THSD7A: variants seen among roughly 807,000 people sequenced by gnomAD.
The protein encoded by THSD7A is thrombospondin type 1 domain containing 7A.
THSD7A carries 96 observed loss-of-function variants against 231.3 expected under a neutral mutation model. The ratio of observed to expected loss-of-function variants is 0.41; its 90% CI spans 0.35 to 0.49. THSD7A has a LOEUF of 0.49. THSD7A is among the 20% of genes least tolerant of loss of function. The pLI, the probability that THSD7A is intolerant of heterozygous loss-of-function variation, is 0.05. For synonymous variants in THSD7A, 940 were observed against 743.3 expected, an observed-to-expected ratio of 1.26 and a Z score of -4.30; for missense variants, 2,290 against 2,070.2, an observed-to-expected ratio of 1.11 and a Z score of -2.06.
rs375382300 is a variant in THSD7A at position 11,811,513 on chromosome 7, C to T, written c.190+20244G>A. 3.3e-5 allele frequency among the ~76,000 whole-genome samples: 5 copies of T among 152,108 alleles called. No homozygotes were observed. The East Asian group carries it at 5.8e-4, about 18-fold the overall frequency. Reference sequence around the variant, plus strand: ...GTAAAAGAAACCTACTGTATAAATCCCTGAATACTGACAGTCCTAATTTTC... The same window carrying T: ...GTAAAAGAAACCTACTGTATAAATCTCTGAATACTGACAGTCCTAATTTTC... On this transcript the variant is annotated intron_variant, in intron 1 of 27. Coordinates refer to ENST00000423059, the MANE Select transcript of THSD7A (RefSeq NM_015204.3).
intron 4 of THSD7A, among the ~76,000 whole-genome samples, chr7:11,587,197 G>T (rs1340979455): frequency 2.0e-5 from 3 of 152,052 alleles, no homozygotes; most frequent in Non-Finnish European, 4.4e-5. Flanking sequence ...AACTTTCTAG[G>T]ACTCATACAG....
intron 1 of THSD7A, among the ~76,000 whole-genome samples, chr7:11,732,726 G>T (rs988025150): frequency 6.6e-6 from 1 of 151,746 alleles, no homozygotes; most frequent in African/African-American, 2.4e-5. Context: ...GTAGATGTAA[G>T]GGTTGTGGCA....
At chr7:11,396,494 T>G (rs1013597294) in intron 23 of THSD7A, among the ~76,000 whole-genome samples, 1 of 152,158 alleles carries the variant, frequency 6.6e-6, no homozygotes, top group East Asian at 1.9e-4. Context: ...TATCAGAGCA[T>G]ACTATAAACA....
intron 1 of THSD7A, among the ~76,000 whole-genome samples, chr7:11,806,627 T>C (rs973152287): frequency 6.6e-6 from 1 of 152,160 alleles, no homozygotes; most frequent in African/African-American, 2.4e-5. Context: ...ATATCCTTTA[T>C]TAAAATAGAT....
intron 1 of THSD7A, among the ~76,000 whole-genome samples, chr7:11,681,316 G>C (rs776781381): frequency 1.1e-4 from 17 of 152,016 alleles, no homozygotes; most frequent in Non-Finnish European, 1.9e-4. Flanking sequence ...CAGGACATAG[G>C]CATGGGCAAT....
chr7:11,392,215 G>C (rs532146716), intron 23 of THSD7A, among the ~76,000 whole-genome samples: 1 of 152,154 alleles, frequency 6.6e-6, no homozygotes, highest in South Asian at 2.1e-4. Context: ...CATTGGGACT[G>C]GCTGGACAGT....
chr7:11,400,829 T>A (rs1783376015), intron 23 of THSD7A, among the ~76,000 whole-genome samples: 1 of 152,214 alleles, frequency 6.6e-6, no homozygotes, highest in South Asian at 2.1e-4. Context: ...TGCTACTATG[T>A]CATATTACTT....
chr7:11,769,155 T>TATATA (rs1562541467), intron 1 of THSD7A, among the ~76,000 whole-genome samples: 32 of 39,962 alleles, frequency 8.0e-4, no homozygotes, highest in East Asian at 3.1e-3. Flanking sequence ...ATATATATAT[T>TATATA]TTTTTTTTTT....
At chr7:11,516,020 G>C (rs928977586) in intron 6 of THSD7A, among the ~76,000 whole-genome samples, 2 of 152,110 alleles carry the variant, frequency 1.3e-5, no homozygotes, top group African/African-American at 4.8e-5. Context: ...ATATAAATAT[G>C]AGAACTTTTG....
intron 1 of THSD7A, among the ~76,000 whole-genome samples, chr7:11,796,343 T>G (rs1338653605): frequency 6.7e-6 from 1 of 149,070 alleles, no homozygotes; most frequent in East Asian, 2.0e-4. Flanking sequence ...CCATCCACTT[T>G]GAAAAAAAAA....
chr7:11,630,066 C>T (rs557086038), intron 2 of THSD7A, among the ~76,000 whole-genome samples: 3 of 152,152 alleles, frequency 2.0e-5, no homozygotes, highest in Non-Finnish European at 4.4e-5. Context: ...TTATCCATTA[C>T]TGAAATTCCA....
intron 1 of THSD7A, among the ~76,000 whole-genome samples, chr7:11,729,775 T>A (rs991829865): frequency 1.3e-5 from 2 of 151,754 alleles, no homozygotes; most frequent in African/African-American, 4.8e-5. Flanking sequence ...ACACAGTTAA[T>A]CTGTTTTTCC....
At chr7:11,560,095 G>C in intron 4 of THSD7A, among the ~76,000 whole-genome samples, 1 of 152,120 alleles carries the variant, frequency 6.6e-6, no homozygotes, top group East Asian at 1.9e-4. Flanking sequence ...GTGGAAATAA[G>C]CTAGAGCATA....
At chr7:11,715,722 A>G (rs1584252386) in intron 1 of THSD7A, among the ~76,000 whole-genome samples, 2 of 151,470 alleles carry the variant, frequency 1.3e-5, no homozygotes, top group African/African-American at 4.8e-5. Flanking sequence ...ATTTCTGCAG[A>G]AGCCCAGACC....
chr7:11,719,791 T>G (rs985348009), intron 1 of THSD7A, among the ~76,000 whole-genome samples: 1 of 151,770 alleles, frequency 6.6e-6, no homozygotes, highest in Admixed American at 6.6e-5. Context: ...CAGGGCCTTA[T>G]AGATCAATGG....
At chr7:11,390,079 T>G (rs185627106) in intron 23 of THSD7A, among the ~76,000 whole-genome samples, 123 of 152,198 alleles carry the variant, frequency 8.1e-4, no homozygotes, top group African/African-American at 2.7e-3. Context: ...GTGAATCTGA[T>G]GATTATGTGT....
chr7:11,733,283 T>C (rs769236201), intron 1 of THSD7A, among the ~76,000 whole-genome samples: 1 of 151,834 alleles, frequency 6.6e-6, no homozygotes, highest in Non-Finnish European at 1.5e-5. Flanking sequence ...ACAGCCCTGT[T>C]GTTATCCCCA....
intron 1 of THSD7A, among the ~76,000 whole-genome samples, chr7:11,815,683 C>G (rs1784670714): frequency 6.6e-6 from 1 of 152,124 alleles, no homozygotes; most frequent in Admixed American, 6.5e-5. Context: ...TCATATAAAA[C>G]TCATATATTC....
At chr7:11,494,614 G>C (rs533314098) in intron 6 of THSD7A, among the ~76,000 whole-genome samples, 7 of 152,010 alleles carry the variant, frequency 4.6e-5, no homozygotes, top group Non-Finnish European at 1.0e-4. Flanking sequence ...GGCAATTCAA[G>C]TGGGAAGTAA....
Sources: gnomAD v4.1 joint callset for allele counts (sites outside exome capture counted in the v4.1 genomes callset) on GRCh38, gnomAD v4.1.1 for gene constraint, MANE v1.5 for transcripts, NCBI Gene and HGNC (gene_info 2026-07-23, HGNC 2026-07-21) for gene names.